The following PDE4D variants were observed in gnomAD, a reference collection of about 807,000 sequenced individuals.
PDE4D encodes the protein phosphodiesterase 4D, also known as 3',5'-cyclic-AMP phosphodiesterase 4D.
PDE4D carries 24 observed loss-of-function variants against 87.4 expected under a neutral mutation model. The ratio of observed to expected loss-of-function variants is 0.27; its 90% CI spans 0.20 to 0.39. The LOEUF (loss-of-function observed/expected upper bound fraction) is 0.39. Among genes scored for constraint, PDE4D ranks in the 10% least tolerant of loss-of-function variants. PDE4D has a pLI of 1.00. For synonymous variants in PDE4D, 384 were observed against 383.2 expected, an observed-to-expected ratio of 1.00 and a Z score of -0.02; for missense variants, 714 against 1,041.0, an observed-to-expected ratio of 0.69 and a Z score of 4.32.
At chr5:60,000,930 C>G (rs1253096242) in intron 2 of PDE4D, among the ~76,000 whole-genome samples, 2 of 152,102 alleles carry the variant, frequency 1.3e-5, no homozygotes. Flanking sequence ...CGGAGACAGG[C>G]TTGCCAAACT....
At position 59,014,818 on chromosome 5, in the gene PDE4D, A is replaced by T. The variant is rs141599770; in HGVS notation, c.922-21353T>A. On this transcript the variant is annotated intron_variant, in intron 6 of 14. Transcript: ENST00000340635. ...AAAAAAGAGCCCGCATTGCCAAGACAATCCTAAGCAAAAAGAACAAAGCTG... is the reference window on the plus strand; with the variant it reads ...AAAAAAGAGCCCGCATTGCCAAGACTATCCTAAGCAAAAAGAACAAAGCTG... Among the ~76,000 whole-genome samples, 211 of 152,336 alleles carry T rather than the reference A, an allele frequency of 1.4e-3. 1 individual carries two copies. The highest frequency in any genetic ancestry group is 4.8e-3 in the African/African-American group (201 of 41,576).
chr5:59,304,102 T>C (rs1770798468), intron 1 of PDE4D, among the ~76,000 whole-genome samples: 1 of 152,164 alleles, frequency 6.6e-6, no homozygotes, highest in Non-Finnish European at 1.5e-5. Flanking sequence ...TAGAAGTCTC[T>C]CGACTCCTTT....
intron 2 of PDE4D, among the ~76,000 whole-genome samples, chr5:60,102,772 G>A (rs1220329272): frequency 9.2e-5 from 14 of 151,992 alleles, no homozygotes; most frequent in Middle Eastern, 3.2e-3. Context: ...CATATTCAAC[G>A]TATTTTAATA....
chr5:59,399,185 C>G (rs1790086068), intron 1 of PDE4D, among the ~76,000 whole-genome samples: 2 of 135,128 alleles, frequency 1.5e-5, no homozygotes, highest in South Asian at 2.4e-4. Flanking sequence ...CAATGCCATC[C>G]CCATCAAGCT....
intron 1 of PDE4D, among the ~76,000 whole-genome samples, chr5:59,390,467 G>A (rs549757551): frequency 1.4e-4 from 22 of 152,214 alleles, no homozygotes; most frequent in African/African-American, 5.1e-4. Context: ...TTCACAGAAT[G>A]TTTACTAAAT....
At chr5:59,173,397 T>A (rs1415383727) in intron 5 of PDE4D, among the ~76,000 whole-genome samples, 1 of 152,240 alleles carries the variant, frequency 6.6e-6, no homozygotes, top group Non-Finnish European at 1.5e-5. Flanking sequence ...AACTGACTTT[T>A]ACTGCTCTAA....
intron 1 of PDE4D, chr5:59,356,643 T>C: frequency 1.3e-6 from 1 of 758,766 alleles, no homozygotes; most frequent in Non-Finnish European, 2.0e-6. Flanking sequence ...TTTAATATAT[T>C]GTCAATTTAA....
intron 1 of PDE4D, among the ~76,000 whole-genome samples, chr5:60,364,369 T>C (rs1003886674): frequency 3.3e-5 from 5 of 152,216 alleles, no homozygotes; most frequent in African/African-American, 7.2e-5. Context: ...GGAAATTACA[T>C]GCTTTATCAC....
intron 1 of PDE4D, among the ~76,000 whole-genome samples, chr5:59,632,182 T>C (rs1432251563): frequency 6.6e-6 from 1 of 152,214 alleles, no homozygotes; most frequent in African/African-American, 2.4e-5. Context: ...GTAGCCAGAC[T>C]GCCTCTCTAG....
intron 1 of PDE4D, among the ~76,000 whole-genome samples, chr5:59,335,032 T>G (rs995417978): frequency 2.0e-5 from 3 of 152,174 alleles, no homozygotes; most frequent in Non-Finnish European, 4.4e-5. Context: ...TTCCCATCCA[T>G]CATATTAATT....
At chr5:59,256,635 A>G (rs1761020003) in intron 1 of PDE4D, among the ~76,000 whole-genome samples, 1 of 152,074 alleles carries the variant, frequency 6.6e-6, no homozygotes, top group Non-Finnish European at 1.5e-5. Flanking sequence ...CTGAGTGTTC[A>G]TGGAACGTAG....
chr5:59,950,479 T>C (rs1180103232), intron 3 of PDE4D, among the ~76,000 whole-genome samples: 1 of 152,128 alleles, frequency 6.6e-6, no homozygotes, highest in East Asian at 1.9e-4. Context: ...CCTGGAGGGA[T>C]GTGGATATCT....
intron 1 of PDE4D, among the ~76,000 whole-genome samples, chr5:60,189,386 A>T (rs1207309313): frequency 1.3e-5 from 2 of 152,234 alleles, no homozygotes; most frequent in African/African-American, 4.8e-5. Flanking sequence ...TTCTACTTTC[A>T]TTGCTACGTC....
chr5:59,546,557 G>A (rs1817296871), intron 1 of PDE4D, among the ~76,000 whole-genome samples: 1 of 152,052 alleles, frequency 6.6e-6, no homozygotes, highest in African/African-American at 2.4e-5. Flanking sequence ...GGTATGAATA[G>A]GATGAATGGA....
At chr5:60,234,872 C>T (rs4128924) in intron 1 of PDE4D, among the ~76,000 whole-genome samples, 30,412 of 151,356 alleles carry the variant, frequency 0.2, 4,194 homozygotes, top group East Asian at 0.66. Context: ...TTATTGATGC[C>T]AAAATTACTG....
intron 1 of PDE4D, among the ~76,000 whole-genome samples, chr5:60,344,798 G>C (rs1466910851): frequency 1.3e-5 from 2 of 152,102 alleles, no homozygotes; most frequent in Admixed American, 6.6e-5. Context: ...CTGTAAAGAA[G>C]TTCAACAAAA....
chr5:60,520,000 C>T (rs1175713285), intron 1 of PDE4D, among the ~76,000 whole-genome samples: 1 of 152,166 alleles, frequency 6.6e-6, no homozygotes, highest in Non-Finnish European at 1.5e-5. Flanking sequence ...TTTCTATTCC[C>T]TAAAATGATT....
intron 2 of PDE4D, among the ~76,000 whole-genome samples, chr5:60,078,511 T>C (rs1253481638): frequency 6.6e-6 from 1 of 152,160 alleles, no homozygotes; most frequent in Non-Finnish European, 1.5e-5. Context: ...TCTGCACCTA[T>C]TGACCATCCT....
At position 59,893,220 on chromosome 5, in the gene PDE4D, C is replaced by T. The variant is rs1751221553; in HGVS notation, c.403G>A (p.Gly135Ser). The change falls in exon 1 of 15, where the codon GGC becomes AGC. Residue 135 changes from glycine to serine, a missense_variant. Physicochemically the swap from Gly to Ser is moderately conservative, Grantham distance 56 (BLOSUM62 0). This residue lies in a region of PDE4D where 268 missense variants were observed against 272.9 expected (regional missense o/e 0.98). Transcript: ENST00000340635. ...SYAVETGHRP[G>S]LKKSRMSWPS... is the part of the protein sequence containing the mutation. ...CAGGACATCCTGGATTTCTTCAGGC[C>T]GGGCCGGTGGCCGGTCTCCACCGCG... The T allele has an allele frequency of 6.4e-7, 1 of 1,562,302 alleles. No individual in the cohort carries two copies. The highest frequency in any genetic ancestry group is 8.7e-7 in the Non-Finnish European group (1 of 1,152,944).
Sources: allele counts gnomAD v4.1 joint callset (sites outside exome capture counted in the v4.1 genomes callset), GRCh38; gene constraint gnomAD v4.1.1; regional missense constraint gnomAD v4.1.1; transcripts MANE v1.5; gene names NCBI Gene and HGNC (gene_info 2026-07-23, HGNC 2026-07-21).